SLC44A5: variants seen among roughly 807,000 people sequenced by gnomAD.
The protein encoded by SLC44A5 is choline transporter-like protein 5.
Under a neutral mutation model 101.8 loss-of-function variants are expected in SLC44A5, and 57 were observed. The ratio of observed to expected loss-of-function variants is 0.56; its 90% CI spans 0.45 to 0.70. The LOEUF is 0.70. Among genes scored for constraint, SLC44A5 ranks in the 30% least tolerant of loss-of-function variants. The probability of loss-of-function intolerance (pLI) is 0.00; values close to 1 mark genes in which losing one functional copy is unlikely to be tolerated. For synonymous variants in SLC44A5, 281 were observed against 290.9 expected, an observed-to-expected ratio of 0.97 and a Z score of 0.35; for missense variants, 737 against 853.1, an observed-to-expected ratio of 0.86 and a Z score of 1.70.
chr1:75,577,093 G>C (rs1161721834), intron 1 of SLC44A5, among the ~76,000 whole-genome samples: 1 of 152,086 alleles, frequency 6.6e-6, no homozygotes, highest in Non-Finnish European at 1.5e-5. Flanking sequence ...ACCATATCCT[G>C]TTGGCTCTAT....
chr1:75,294,035 GA>G (rs1169964974), intron 5 of SLC44A5, among the ~76,000 whole-genome samples: 2 of 152,164 alleles, frequency 1.3e-5, no homozygotes, highest in East Asian at 1.9e-4. Context: ...TTTTCATTAA[GA>G]AAAGGTTCCT....
At chr1:75,707,546 G>A in the SLC44A5 span, among the ~76,000 whole-genome samples, 1 of 151,988 alleles carries the variant, frequency 6.6e-6, no homozygotes, top group Non-Finnish European at 1.5e-5. Context: ...TCTCCCCCAG[G>A]GCTCTGCAGA....
chr1:75,422,087 C>T (rs556740102), intron 2 of SLC44A5, among the ~76,000 whole-genome samples: 2 of 152,090 alleles, frequency 1.3e-5, no homozygotes, highest in Non-Finnish European at 2.9e-5. Context: ...TGTGTGTGCA[C>T]GTGTGCTTAA....
intron 6 of SLC44A5, among the ~76,000 whole-genome samples, chr1:75,252,782 G>GGCA (rs1649690118): frequency 6.6e-6 from 1 of 152,150 alleles, no homozygotes; most frequent in Non-Finnish European, 1.5e-5. Context: ...GCAGAAAGAG[G>GGCA]GCAGCAGTAA....
At chr1:75,513,530 C>T (rs1240504220) in intron 2 of SLC44A5, among the ~76,000 whole-genome samples, 1 of 152,144 alleles carries the variant, frequency 6.6e-6, no homozygotes, top group Non-Finnish European at 1.5e-5. Flanking sequence ...AGGGCTAATA[C>T]TAAATTTGAA....
intron 2 of SLC44A5, among the ~76,000 whole-genome samples, chr1:75,502,635 T>C (rs1341216040): frequency 6.6e-6 from 1 of 152,148 alleles, no homozygotes; most frequent in Non-Finnish European, 1.5e-5. Context: ...ACATGTGCCA[T>C]GTTGGTGTGC....
intron 7 of SLC44A5, 82 bp downstream of exon 7, chr1:75,251,128 A>T (rs949525802): frequency 9.1e-7 from 1 of 1,094,278 alleles, no homozygotes; most frequent in African/African-American, 1.5e-5. Context: ...ACACACAGAG[A>T]ACTCAAATGG....
chr1:75,529,685 C>T (rs1670614906), intron 2 of SLC44A5, among the ~76,000 whole-genome samples: 1 of 152,172 alleles, frequency 6.6e-6, no homozygotes, highest in Admixed American at 6.5e-5. Context: ...AATGACTAAG[C>T]AGCTTATAAG....
In SLC44A5 at chr1:75,218,955, C is replaced by T. The variant is rs573935957; in HGVS notation, c.1267-203G>A. On this transcript the variant is annotated intron_variant, in intron 16 of 23. Coordinates refer to ENST00000370859, the MANE Select transcript of SLC44A5 (RefSeq NM_001130058.2). ...AGTATCCCATTTTTCATCAAATGCT[C>T]ATAATCTGCACCCACTATAATTTCA... Among the ~76,000 whole-genome samples the T allele has an allele frequency of 5.9e-5, 9 of 152,232 alleles. No individual in the cohort carries two copies. The East Asian group carries it at 1.2e-3, about 20-fold the overall frequency.
intron 1 of SLC44A5, among the ~76,000 whole-genome samples, chr1:75,578,114 TTA>T (rs1482989161): frequency 1.3e-5 from 2 of 152,076 alleles, no homozygotes; most frequent in Non-Finnish European, 2.9e-5. Flanking sequence ...AATAAATATT[TTA>T]TACTCCTTAA....
chr1:75,211,813 C>CTTT (rs1646860284), intron 22 of SLC44A5, among the ~76,000 whole-genome samples: 1 of 96,372 alleles, frequency 1.0e-5, no homozygotes, highest in East Asian at 4.8e-4. Flanking sequence ...CTTCCTTTCC[C>CTTT]CTTTCTTTTC....
At chr1:75,276,483 A>G (rs539715308) in intron 5 of SLC44A5, among the ~76,000 whole-genome samples, 1 of 152,246 alleles carries the variant, frequency 6.6e-6, no homozygotes, top group South Asian at 2.1e-4. Context: ...TTCAGAAATG[A>G]GCACCCGAAG....
At chr1:75,641,597 C>A in the SLC44A5 span, 1 of 1,511,394 alleles carries the variant, frequency 6.6e-7, no homozygotes, top group Non-Finnish European at 9.2e-7. Context: ...AATCAGATTA[C>A]ATTCTTTGGG....
chr1:75,370,417 A>G (rs1425243419), intron 3 of SLC44A5, among the ~76,000 whole-genome samples: 1 of 152,160 alleles, frequency 6.6e-6, no homozygotes, highest in Non-Finnish European at 1.5e-5. Flanking sequence ...TAGCATAGTG[A>G]TCAGAATATT....
chr1:75,409,826 C>A (rs896515337), intron 2 of SLC44A5, among the ~76,000 whole-genome samples: 12 of 152,122 alleles, frequency 7.9e-5, no homozygotes, highest in African/African-American at 2.9e-4. Context: ...CTTTAAGAAT[C>A]ATGCCCAAGG....
Position 75,339,906 on chromosome 1 carries a change from GA to G in SLC44A5, c.53-277del, listed in dbSNP as rs1657742456. ...CACCATACTGAGTACCAACATTAAA[GA>G]TTGTATCCAGGGTAGCAAAACTTGA... On this transcript the variant is annotated intron_variant, in intron 3 of 23. Transcript: ENST00000370859. 2.0e-5 allele frequency among the ~76,000 whole-genome samples: 3 copies of G among 152,248 alleles called. No individual in the cohort carries two copies. In the South Asian group the frequency reaches 6.2e-4, roughly 32 times the overall value.
chr1:75,556,777 C>A (rs534609441), intron 1 of SLC44A5, among the ~76,000 whole-genome samples: 1 of 152,136 alleles, frequency 6.6e-6, no homozygotes, highest in South Asian at 2.1e-4. Flanking sequence ...TAGGCTGTTT[C>A]TTTTGCTGTC....
At chr1:75,461,420 T>C (rs945069951) in intron 2 of SLC44A5, among the ~76,000 whole-genome samples, 2 of 152,210 alleles carry the variant, frequency 1.3e-5, no homozygotes, top group Non-Finnish European at 2.9e-5. Context: ...AATAATATTA[T>C]TAGTTCACTG....
the SLC44A5 span, among the ~76,000 whole-genome samples, chr1:75,655,783 T>A: frequency 0.49 from 74,691 of 151,922 alleles, 19,603 homozygotes; most frequent in East Asian, 0.93. Context: ...GTTCCATACA[T>A]CCCTTTGGGC....
Sources: allele counts gnomAD v4.1 joint callset (sites outside exome capture counted in the v4.1 genomes callset), GRCh38; gene constraint gnomAD v4.1.1; transcripts MANE v1.5; gene names NCBI Gene and HGNC (gene_info 2026-07-23, HGNC 2026-07-21).